MINDY4B: variants seen among roughly 807,000 people sequenced by gnomAD.
The protein encoded by MINDY4B is MINDY family member 4B.
MINDY4B carries 25 observed loss-of-function variants against 16.7 expected under a neutral mutation model. The ratio of observed to expected loss-of-function variants is 1.49; its 90% CI spans 1.09 to 2.09. The LOEUF is 2.09. Ranked by LOEUF, MINDY4B falls within the 30% of genes most tolerant of loss-of-function variation. MINDY4B has a pLI of 0.00. For missense variants in MINDY4B, 327 were observed against 168.4 expected (o/e 1.94, Z -5.21); for synonymous variants, 132 against 61.9 (o/e 2.13, Z -5.32).
chr3:150,873,271 A>T lies in MINDY4B; in HGVS notation c.1156T>A (p.Ser386Thr), dbSNP rs917969963. Residue 386 changes from serine (S) to threonine (T), a missense_variant, in exon 11 of 12, where the codon TCA becomes ACA. Physicochemically the swap from Ser to Thr is moderately conservative, Grantham distance 58. Transcript: ENST00000465419. ...ILFCTNRQLL[S>T]DWKMERLFDL... is the part of the protein sequence containing the mutation. ...AAGAGACGTTCCATTTTCCAGTCTG[A>T]TAAGAGCTGCCTGTTTGTGCAAAAA... The T allele has an allele frequency of 2.0e-5, 14 of 702,964 alleles. No homozygotes were observed. The highest frequency in any genetic ancestry group is 1.8e-4 in the Admixed American group (9 of 49,988). 43.5% of individuals were successfully genotyped at this position (702,964 alleles called of 1,614,324 possible). A position where few individuals can be genotyped will look rare whatever the true frequency, so the allele number is the denominator to read the frequency against.
chr3:150,880,342 G>T (rs762182314), intron 10 of MINDY4B, among the ~76,000 whole-genome samples: 11 of 135,264 alleles, frequency 8.1e-5, no homozygotes, highest in African/African-American at 3.4e-4. Flanking sequence ...TGTGTGTGTG[G>T]ATGCGCACAC....
chr3:150,897,637 G>A (rs1009256483), intron 3 of MINDY4B, among the ~76,000 whole-genome samples: 6 of 152,176 alleles, frequency 3.9e-5, no homozygotes, highest in Non-Finnish European at 5.9e-5. Context: ...TGGCCCAGGG[G>A]CCGGTTTAAG....
intron 11 of MINDY4B, among the ~76,000 whole-genome samples, chr3:150,872,762 G>C (rs1250651007): frequency 6.6e-6 from 1 of 152,120 alleles, no homozygotes; most frequent in Non-Finnish European, 1.5e-5. Flanking sequence ...CTATCAGTTT[G>C]GTTACTTATG....
chr3:150,904,478 G>A (rs1712193996), intron 2 of MINDY4B, among the ~76,000 whole-genome samples: 1 of 152,098 alleles, frequency 6.6e-6, no homozygotes, highest in African/African-American at 2.4e-5. Flanking sequence ...CTAGTACCAT[G>A]AAAACCACCT....
At chr3:150,884,120 G>A (rs1217396213) in intron 8 of MINDY4B, among the ~76,000 whole-genome samples, 1 of 152,226 alleles carries the variant, frequency 6.6e-6, no homozygotes, top group Non-Finnish European at 1.5e-5. Context: ...TGACCACACT[G>A]CAGAGTGCTG....
Position 150,882,962 on chromosome 3 carries a change from T to G in MINDY4B, c.994A>C (p.Thr332Pro). ...KSQETLHGVLTRSDVGYLQWG... is the reference protein window; with the variant it reads ...KSQETLHGVLPRSDVGYLQWG... ...TGCAAATAGCCAACATCACTGCGGG[T>G]CAGGACTCCATGTAGTGTTTCCTGA... The change falls in exon 10 of 12, where the codon ACC (threonine) becomes CCC (proline). Residue 332 changes from threonine (T) to proline (P), a missense_variant. By Grantham distance (38) the Thr-to-Pro change is conservative (BLOSUM62 -1). Coordinates refer to ENST00000465419, the MANE Select transcript of MINDY4B (RefSeq NM_001351281.2). 1.4e-6 allele frequency: 1 copy of G among 702,854 alleles called. No individual in the cohort carries two copies. Among genetic ancestry groups the G allele is most frequent in the East Asian group, 2.7e-5 (1 of 37,278 alleles). The allele number at this position is 702,854 out of a possible 1,614,324, so 43.5% of individuals were successfully genotyped here.
intron 6 of MINDY4B, 151 bp downstream of exon 6, chr3:150,890,786 AC>A (rs1711779212): frequency 7.0e-6 from 4 of 570,756 alleles, no homozygotes; most frequent in Non-Finnish European, 1.3e-5. Context: ...TGCTTGGATC[AC>A]TTACAGCCCT....
intron 3 of MINDY4B, among the ~76,000 whole-genome samples, chr3:150,896,340 T>C (rs1711966733): frequency 6.6e-6 from 1 of 152,198 alleles, no homozygotes; most frequent in Non-Finnish European, 1.5e-5. Context: ...CCTGATTAGC[T>C]TAATAACCAA....
In MINDY4B at chr3:150,870,840, G is replaced by T. The variant is rs1369976982; in HGVS notation, c.*205C>A. Among the ~76,000 whole-genome samples, 1 of 152,188 alleles carries T rather than the reference G, an allele frequency of 6.6e-6. No homozygotes were observed. The highest frequency in any genetic ancestry group is 1.5e-5 in the Non-Finnish European group (1 of 68,032). ...GGAGGCACCATGCAGGCCCTGGTGT[G>T]GGGGCCTGTGTTTCTCCTACAATGC... On this transcript the variant is annotated 3_prime_UTR_variant, in exon 12 of 12. Coordinates refer to ENST00000465419, the MANE Select transcript of MINDY4B (RefSeq NM_001351281.2).
In MINDY4B at chr3:150,898,845, G is replaced by C. The variant is rs527404304; in HGVS notation, c.309+4404C>G. Among the ~76,000 whole-genome samples, 364 of 152,252 alleles carry C rather than the reference G, an allele frequency of 2.4e-3. 3 individuals are homozygous for C. Among genetic ancestry groups the C allele is most frequent in the African/African-American group, 8.2e-3 (341 of 41,546 alleles). On this transcript the variant is annotated intron_variant, in intron 3 of 11. Transcript: ENST00000465419. ...AGGCCCTGAATCATTCTTTCCAACA[G>C]GGTTAATGTTCTTACCCTGACTGCC...
chr3:150,905,190 C>CAATAGCATA (rs1712211232), intron 1 of MINDY4B, 101 bp from the exon 2 acceptor site: 5 of 398,138 alleles, frequency 1.3e-5, no homozygotes, highest in African/African-American at 2.1e-5. Flanking sequence ...AGTCTCTGTC[C>CAATAGCATA]ACGAATAGTT....
chr3:150,877,049 CT>C (rs11362861), intron 10 of MINDY4B, among the ~76,000 whole-genome samples: 84,073 of 150,968 alleles, frequency 0.56, 23,546 homozygotes, highest in African/African-American at 0.63. Flanking sequence ...AGAATACCAT[CT>C]TTTTTTTTTA....
Position 150,883,774 on chromosome 3 carries a change from T to C in MINDY4B, c.825-2A>G, listed in dbSNP as rs754346876. On this transcript the variant is annotated splice_acceptor_variant, in intron 8 of 11. Coordinates refer to ENST00000465419, the MANE Select transcript of MINDY4B (RefSeq NM_001351281.2). LOFTEE classifies it high-confidence loss of function. ...GTGACATCTAGGTCCATTTGAAGCC[T>C]GCAGAGTGGGAGAAGCCATCAGCAT... 1.3e-5 allele frequency: 9 copies of C among 702,646 alleles called. No homozygotes were observed. The highest frequency in any genetic ancestry group is 1.2e-4 in the South Asian group (8 of 67,594). 43.5% of individuals were successfully genotyped at this position (702,646 alleles called of 1,614,324 possible).
intron 9 of MINDY4B, among the ~76,000 whole-genome samples, chr3:150,883,402 GGT>G (rs1201340913): frequency 6.6e-6 from 1 of 151,656 alleles, no homozygotes; most frequent in African/African-American, 2.4e-5. Flanking sequence ...AGGGATTCCT[GGT>G]GGGTCTTGTC....
intron 7 of MINDY4B, among the ~76,000 whole-genome samples, chr3:150,886,975 C>A (rs533712970): frequency 6.6e-6 from 1 of 152,220 alleles, no homozygotes; most frequent in Non-Finnish European, 1.5e-5. Context: ...CAGATAGTAC[C>A]AAATCCTGTA....
intron 2 of MINDY4B, among the ~76,000 whole-genome samples, chr3:150,904,642 A>C (rs1180610287): frequency 1.3e-5 from 2 of 152,194 alleles, no homozygotes; most frequent in African/African-American, 4.8e-5. Context: ...ACCAGAATTC[A>C]GTCATCTTTC....
Position 150,890,892 on chromosome 3 carries a change from G to T in MINDY4B, c.687+46C>A, listed in dbSNP as rs1306615025. 3 of 695,466 alleles carry T rather than the reference G, an allele frequency of 4.3e-6. No homozygotes were observed. In the East Asian group the frequency reaches 8.1e-5, roughly 19 times the overall value. The allele number at this position is 695,466 out of a possible 1,614,324, so 43.1% of individuals were successfully genotyped here. A position where few individuals can be genotyped will look rare whatever the true frequency, so the allele number is the denominator to read the frequency against. ...CATGGTAAGTCTATTACATGCTCAGGCTTCACTGGCCTTTCATCTGCCAGG... is the reference window on the plus strand; with the variant it reads ...CATGGTAAGTCTATTACATGCTCAGTCTTCACTGGCCTTTCATCTGCCAGG... On this transcript the variant is annotated intron_variant, in intron 6 of 11. Transcript: ENST00000465419.
intron 11 of MINDY4B, 59 bp from the exon 12 acceptor site, chr3:150,871,246 C>T: frequency 1.5e-6 from 1 of 679,842 alleles, no homozygotes; most frequent in Non-Finnish European, 2.7e-6. Context: ...CCAGAGGAAA[C>T]CACTAAAGAA....
chr3:150,886,832 T>A (rs1711632997), intron 7 of MINDY4B, among the ~76,000 whole-genome samples: 1 of 152,186 alleles, frequency 6.6e-6, no homozygotes, highest in Non-Finnish European at 1.5e-5. Flanking sequence ...TAATCCAGGA[T>A]AATGTCCCCC....
Sources: gnomAD v4.1 joint callset for allele counts (sites outside exome capture counted in the v4.1 genomes callset) on GRCh38, gnomAD v4.1.1 for gene constraint, MANE v1.5 for transcripts, NCBI Gene and HGNC (gene_info 2026-07-23, HGNC 2026-07-21) for gene names.